The following CTNNA3 variants were observed in gnomAD, a reference collection of about 807,000 sequenced individuals.
The protein encoded by CTNNA3 is catenin alpha 3, also known as catenin alpha-3.
In CTNNA3, 76 loss-of-function variants were observed where a neutral mutation model predicts 95.7. The observed-to-expected ratio is 0.79, with a 90% CI of 0.66 to 0.96. CTNNA3 has a LOEUF of 0.96. Ranked by LOEUF, CTNNA3 falls within the 40% of genes least tolerant of loss-of-function variation. The pLI is 0.00. For synonymous variants in CTNNA3, 431 were observed against 374.4 expected (o/e 1.15, Z -1.74); for missense variants, 1,191 against 1,089.8 (o/e 1.09, Z -1.31).
At chr10:67,603,660 TAAA>T (rs1843158207) in intron 3 of CTNNA3, among the ~76,000 whole-genome samples, 2 of 151,750 alleles carry the variant, frequency 1.3e-5, no homozygotes, top group Non-Finnish European at 2.9e-5. Flanking sequence ...AATAAGGACA[TAAA>T]AAAGAAAATA....
chr10:66,838,176 A>C lies in CTNNA3; in HGVS notation c.1048-62652T>G, dbSNP rs558854983. ...TGCATGATTTAATAGAATAGGAAGC[A>C]GGCCAAGAACCACAGACTAGGGAGA... On this transcript the variant is annotated intron_variant, in intron 7 of 17. Coordinates refer to ENST00000433211, the MANE Select transcript of CTNNA3 (RefSeq NM_013266.4). Among the ~76,000 whole-genome samples, 8 of 152,276 alleles carry C rather than the reference A, an allele frequency of 5.3e-5. No homozygotes were observed. The South Asian group carries it at 1.5e-3, about 28-fold the overall frequency.
intron 10 of CTNNA3, among the ~76,000 whole-genome samples, chr10:66,620,074 T>C (rs1000803004): frequency 1.3e-5 from 2 of 152,204 alleles, no homozygotes; most frequent in Admixed American, 1.3e-4. Context: ...GGAATAAATA[T>C]CTGTATGTTG....
intron 9 of CTNNA3, among the ~76,000 whole-genome samples, chr10:66,633,547 G>A (rs1454947099): frequency 1.3e-5 from 2 of 151,992 alleles, no homozygotes; most frequent in Non-Finnish European, 2.9e-5. Flanking sequence ...GGGTGTGGTG[G>A]CGGGCACTTG....
chr10:66,785,876 A>T (rs1372724356), intron 7 of CTNNA3, among the ~76,000 whole-genome samples: 1 of 151,052 alleles, frequency 6.6e-6, no homozygotes, highest in Non-Finnish European at 1.5e-5. Context: ...TTTTCACCAC[A>T]CTCTCTTCCC....
intron 13 of CTNNA3, among the ~76,000 whole-genome samples, chr10:66,166,771 T>G (rs2085154053): frequency 6.6e-6 from 1 of 152,030 alleles, no homozygotes; most frequent in Non-Finnish European, 1.5e-5. Flanking sequence ...AAAATAGGAT[T>G]AAATTGAAGG....
chr10:66,279,544 C>A (rs939416474), intron 13 of CTNNA3, among the ~76,000 whole-genome samples: 2 of 151,934 alleles, frequency 1.3e-5, no homozygotes, highest in Non-Finnish European at 2.9e-5. Flanking sequence ...GGCTAAATAT[C>A]CAGTTTGTTC....
chr10:67,218,166 A>C (rs898324821), intron 6 of CTNNA3, among the ~76,000 whole-genome samples: 3 of 152,198 alleles, frequency 2.0e-5, no homozygotes, highest in Admixed American at 2.0e-4. Context: ...AGGGATGCTC[A>C]ACCCGTATGA....
rs1840350714 is a variant in CTNNA3 at position 66,503,586 on chromosome 10, A to G, written c.1531+17031T>C. Among the ~76,000 whole-genome samples, 2 of 151,994 alleles carry G rather than the reference A, an allele frequency of 1.3e-5. 1 individual carries two copies. Among genetic ancestry groups the G allele is most frequent in the Non-Finnish European group, 2.9e-5 (2 of 68,016 alleles). On this transcript the variant is annotated intron_variant, in intron 11 of 17. Coordinates refer to ENST00000433211, the MANE Select transcript of CTNNA3 (RefSeq NM_013266.4). ...CGGGTTCAAGCAATTCTGCTGCCTCAGCCTCCCTAGTAGCTGGGATTACAG... is the reference window on the plus strand; with the variant it reads ...CGGGTTCAAGCAATTCTGCTGCCTCGGCCTCCCTAGTAGCTGGGATTACAG...
intron 16 of CTNNA3, among the ~76,000 whole-genome samples, chr10:65,983,620 G>T (rs1229921774): frequency 2.6e-5 from 4 of 151,414 alleles, no homozygotes; most frequent in Middle Eastern, 3.4e-3. Context: ...TTTATACAAG[G>T]ATACTGTCTA....
intron 17 of CTNNA3, among the ~76,000 whole-genome samples, chr10:65,947,627 G>C (rs1158122700): frequency 6.6e-6 from 1 of 152,066 alleles, no homozygotes. Flanking sequence ...ATAATCCCTG[G>C]TCCATGTGTA....
intron 7 of CTNNA3, among the ~76,000 whole-genome samples, chr10:67,146,589 T>C (rs547329485): frequency 6.6e-6 from 1 of 152,332 alleles, no homozygotes; most frequent in South Asian, 2.1e-4. Flanking sequence ...CTCTCAATTA[T>C]GGGCAAATAA....
chr10:66,849,376 T>G (rs1046463874), intron 7 of CTNNA3, among the ~76,000 whole-genome samples: 2 of 152,166 alleles, frequency 1.3e-5, no homozygotes, highest in African/African-American at 4.8e-5. Flanking sequence ...TTCTTGTTGT[T>G]CCCTTATGTT....
intron 1 of CTNNA3, among the ~76,000 whole-genome samples, chr10:67,663,582 C>T (rs1840253454): frequency 6.6e-6 from 1 of 151,382 alleles, no homozygotes; most frequent in Non-Finnish European, 1.5e-5. Flanking sequence ...GAGGGGCTGC[C>T]GCAGCTGTTG....
At chr10:66,767,249 C>T (rs1294521959) in intron 8 of CTNNA3, among the ~76,000 whole-genome samples, 2 of 151,964 alleles carry the variant, frequency 1.3e-5, no homozygotes, top group African/African-American at 4.8e-5. Context: ...AGTTCGAGAA[C>T]AGCCTGGCCA....
At chr10:67,735,534 T>A (rs1033267837) in intron 1 of CTNNA3, among the ~76,000 whole-genome samples, 1 of 151,910 alleles carries the variant, frequency 6.6e-6, no homozygotes, top group Non-Finnish European at 1.5e-5. Context: ...TAACGGCCAA[T>A]AAGCACATAA....
intron 7 of CTNNA3, among the ~76,000 whole-genome samples, chr10:66,965,127 C>T (rs914724966): frequency 2.0e-5 from 3 of 152,090 alleles, no homozygotes; most frequent in African/African-American, 7.2e-5. Flanking sequence ...GTTCTTTGTC[C>T]CATGCCAAAA....
intron 11 of CTNNA3, among the ~76,000 whole-genome samples, chr10:66,398,752 GAAATTTCTTTTAAA>G (rs2092998566): frequency 6.6e-6 from 1 of 151,952 alleles, no homozygotes; most frequent in Admixed American, 6.6e-5. Context: ...ATGAAGATAT[GAAATTTCTTTTAAA>G]AATGCAAAGA....
intron 14 of CTNNA3, among the ~76,000 whole-genome samples, chr10:66,077,094 A>G (rs1442660885): frequency 6.6e-6 from 1 of 151,740 alleles, no homozygotes; most frequent in Non-Finnish European, 1.5e-5. Context: ...CAGTGTTGTG[A>G]TCATATTGTG....
intron 5 of CTNNA3, among the ~76,000 whole-genome samples, chr10:67,428,857 G>A (rs1215545338): frequency 2.0e-5 from 3 of 151,806 alleles, no homozygotes; most frequent in Non-Finnish European, 4.4e-5. Context: ...CTTGAACATC[G>A]GACTCCAAGT....
Sources: gnomAD v4.1 joint callset for allele counts (sites outside exome capture counted in the v4.1 genomes callset) on GRCh38, gnomAD v4.1.1 for gene constraint, MANE v1.5 for transcripts, NCBI Gene and HGNC (gene_info 2026-07-23, HGNC 2026-07-21) for gene names.